Variants in VKORC1L1 observed in about 807,000 individuals in gnomAD.
VKORC1L1 encodes the protein vitamin K epoxide reductase complex subunit 1-like protein 1.
VKORC1L1 carries 2 observed loss-of-function variants against 18.9 expected under a neutral mutation model. The ratio of observed to expected loss-of-function variants is 0.11; its 90% CI spans 0.04 to 0.33. The LOEUF (loss-of-function observed/expected upper bound fraction) is 0.33, where lower values mean the gene tolerates loss of function less well. Among genes scored for constraint, VKORC1L1 ranks in the 10% least tolerant of loss-of-function variants. The pLI is 1.00. For synonymous variants in VKORC1L1, 96 were observed against 100.0 expected (o/e 0.96, Z 0.24); for missense variants, 123 against 224.1 (o/e 0.55, Z 2.88).
intron 1 of VKORC1L1, among the ~76,000 whole-genome samples, chr7:65,883,909 A>C (rs1788970515): frequency 6.6e-6 from 1 of 152,210 alleles, no homozygotes; most frequent in Admixed American, 6.5e-5. Context: ...TGTAGTTAGC[A>C]TCTCTAACTA....
intron 2 of VKORC1L1, 53 bp from the exon 3 acceptor site, chr7:65,954,021 A>G: frequency 6.7e-7 from 1 of 1,497,156 alleles, no homozygotes; most frequent in Non-Finnish European, 9.0e-7. Flanking sequence ...GTCACTCAGA[A>G]AGCCTCTCTC....
chr7:65,949,339 C>T (rs1411819671), intron 2 of VKORC1L1, among the ~76,000 whole-genome samples: 2 of 151,736 alleles, frequency 1.3e-5, no homozygotes, highest in Non-Finnish European at 1.5e-5. Flanking sequence ...ATTAGCTGGG[C>T]GAGGTGGTGC....
intron 1 of VKORC1L1, among the ~76,000 whole-genome samples, chr7:65,892,568 T>A (rs1789126496): frequency 6.6e-6 from 1 of 152,230 alleles, no homozygotes; most frequent in Non-Finnish European, 1.5e-5. Context: ...TGGGGGTTTT[T>A]GTATCCTGGT....
At chr7:65,925,770 G>C (rs534858925) in intron 1 of VKORC1L1, among the ~76,000 whole-genome samples, 55 of 152,142 alleles carry the variant, frequency 3.6e-4, no homozygotes, top group African/African-American at 1.3e-3. Flanking sequence ...TTTAATGCAC[G>C]TGCTTATTTC....
rs1790315072 is a variant in VKORC1L1 at position 65,957,460 on chromosome 7, AAC to A, written c.*3162_*3163del. The A allele has an allele frequency of 6.8e-6, 1 of 147,940 alleles. No individual in the cohort carries two copies. The highest frequency in any genetic ancestry group is 6.8e-5 in the Admixed American group (1 of 14,720). The allele number at this position is 147,940 out of a possible 1,614,324, so 9.2% of individuals were successfully genotyped here. A position where few individuals can be genotyped will look rare whatever the true frequency, so the allele number is the denominator to read the frequency against. On this transcript the variant is annotated 3_prime_UTR_variant, in exon 3 of 3. Coordinates refer to ENST00000360768, the MANE Select transcript of VKORC1L1 (RefSeq NM_173517.6). ...CATGCCACTGCACTCCAGCCTGGCC[AAC>A]AGAGCGAGACTGTCCCCCCCCCAAA...
At chr7:65,952,091 A>AT (rs557274037) in intron 2 of VKORC1L1, among the ~76,000 whole-genome samples, 109 of 152,350 alleles carry the variant, frequency 7.2e-4, no homozygotes, top group Non-Finnish European at 9.3e-4. Flanking sequence ...AGTAGGCATG[A>AT]TTGTTATCCC....
intron 1 of VKORC1L1, among the ~76,000 whole-genome samples, chr7:65,896,080 T>TG (rs1329010132): frequency 2.0e-5 from 3 of 150,190 alleles, no homozygotes; most frequent in Non-Finnish European, 4.4e-5. Context: ...TTTTTTTTTT[T>TG]GTAGTAGAGC....
In VKORC1L1 at chr7:65,943,506, A is replaced by G. The variant is rs1367231874; in HGVS notation, c.195-5165A>G. Among the ~76,000 whole-genome samples the G allele has an allele frequency of 2.0e-5, 3 of 152,192 alleles. No individual in the cohort carries two copies. The East Asian group carries it at 5.8e-4, about 29-fold the overall frequency. ...CACTAAGTTCCTCAGAGCATCTTAC[A>G]TGTACCCATCTAAGCCTCATAATTG... On this transcript the variant is annotated intron_variant, in intron 1 of 2. Transcript: ENST00000360768.
At chr7:65,936,307 C>T (rs1035580825) in intron 1 of VKORC1L1, among the ~76,000 whole-genome samples, 5 of 152,094 alleles carry the variant, frequency 3.3e-5, no homozygotes, top group African/African-American at 7.2e-5. Flanking sequence ...TCGTTTGTTT[C>T]TCTTGAGAAC....
intron 1 of VKORC1L1, among the ~76,000 whole-genome samples, chr7:65,898,645 C>T (rs1323031114): frequency 6.6e-6 from 1 of 152,178 alleles, no homozygotes; most frequent in African/African-American, 2.4e-5. Flanking sequence ...AATTGGGTGA[C>T]ACTTTCTATA....
chr7:65,947,227 T>C (rs565705045), intron 1 of VKORC1L1, among the ~76,000 whole-genome samples: 4 of 152,188 alleles, frequency 2.6e-5, no homozygotes, highest in Admixed American at 1.3e-4. Context: ...AAAATCGGGG[T>C]GATTTTTCTC....
chr7:65,948,646 G>C (rs1444224403), intron 1 of VKORC1L1, 25 bp from the exon 2 acceptor site: 1 of 815,828 alleles, frequency 1.2e-6, no homozygotes, highest in African/African-American at 2.0e-5. Context: ...CAAATATAGG[G>C]TTACTGGTTT....
At chr7:65,881,068 C>T (rs894846508) in intron 1 of VKORC1L1, among the ~76,000 whole-genome samples, 2 of 152,052 alleles carry the variant, frequency 1.3e-5, no homozygotes. Context: ...CACATATTCC[C>T]AAATCTGAAA....
chr7:65,882,916 TTAGA>T (rs776413181), intron 1 of VKORC1L1, among the ~76,000 whole-genome samples: 1 of 152,326 alleles, frequency 6.6e-6, no homozygotes, highest in Non-Finnish European at 1.5e-5. Flanking sequence ...AATTAAATCC[TTAGA>T]TAGCGTTAAT....
At chr7:65,933,151 G>A (rs541647179) in intron 1 of VKORC1L1, among the ~76,000 whole-genome samples, 24 of 151,194 alleles carry the variant, frequency 1.6e-4, no homozygotes, top group African/African-American at 5.8e-4. Flanking sequence ...AGATCAGGTT[G>A]CTTGATGGTT....
intron 1 of VKORC1L1, among the ~76,000 whole-genome samples, chr7:65,884,357 G>A (rs899401378): frequency 6.6e-6 from 1 of 152,110 alleles, no homozygotes; most frequent in African/African-American, 2.4e-5. Flanking sequence ...CACTTAACAT[G>A]TCACAGCAGG....
At chr7:65,951,814 G>C (rs1240513052) in intron 2 of VKORC1L1, among the ~76,000 whole-genome samples, 1 of 152,024 alleles carries the variant, frequency 6.6e-6, no homozygotes, top group African/African-American at 2.4e-5. Context: ...TTTTTTGCCT[G>C]ATGAATATAT....
At chr7:65,934,747 C>A (rs1023846587) in intron 1 of VKORC1L1, among the ~76,000 whole-genome samples, 8 of 151,944 alleles carry the variant, frequency 5.3e-5, no homozygotes, top group African/African-American at 1.9e-4. Flanking sequence ...AATGTTAAAG[C>A]ACTTTAGATA....
chr7:65,898,481 G>C (rs1789255710), intron 1 of VKORC1L1, among the ~76,000 whole-genome samples: 1 of 152,154 alleles, frequency 6.6e-6, no homozygotes, highest in Non-Finnish European at 1.5e-5. Context: ...TGCATGAACA[G>C]TATGTGTAGT....
Sources: gnomAD v4.1 joint callset for allele counts (sites outside exome capture counted in the v4.1 genomes callset) on GRCh38, gnomAD v4.1.1 for gene constraint, MANE v1.5 for transcripts, NCBI Gene and HGNC (gene_info 2026-07-23, HGNC 2026-07-21) for gene names.